The following PDPN variants were observed in gnomAD, a reference collection of about 807,000 sequenced individuals.
PDPN encodes PA2.26 antigen.
PDPN carries 12 observed loss-of-function variants against 23.2 expected under a neutral mutation model. The observed-to-expected ratio is 0.52, with a 90% confidence interval of 0.33 to 0.84. PDPN has a LOEUF of 0.84. PDPN is among the 40% of genes least tolerant of loss of function. PDPN has a pLI of 0.02. For missense variants in PDPN, 199 were observed against 212.2 expected (o/e 0.94, Z 0.39); for synonymous variants, 77 against 76.7 (o/e 1.00, Z -0.02).
At position 13,597,503 on chromosome 1, in the gene PDPN, T is replaced by G. The variant is rs1171047270; in HGVS notation, c.68-9670T>G. ...TTCTCCAGCGTTCAGATTAGGGAGC[T>G]GCAGGTCTGCAGAAATAGGAGTGGA... On this transcript the variant is annotated intron_variant, in intron 1 of 5. Transcript: ENST00000621990. Among the ~76,000 whole-genome samples, 4 of 152,322 alleles carry G rather than the reference T, an allele frequency of 2.6e-5. No individual in the cohort carries two copies. The East Asian group carries it at 7.7e-4, about 29-fold the overall frequency.
Position 13,583,939 on chromosome 1 carries a change from C to G in PDPN, c.-95C>G, listed in dbSNP as rs1342311652. ...CCGGCCCCCCCACCGTCGCGCTCCT[C>G]CAGGCTGGGCCTGTGGCCGCGGTGC... On this transcript the variant is annotated 5_prime_UTR_variant, in exon 1 of 6. Coordinates refer to ENST00000621990, the MANE Select transcript of PDPN (RefSeq NM_006474.5). 5 of 1,613,690 alleles carry G rather than the reference C, an allele frequency of 3.1e-6. No individual in the cohort carries two copies. In the South Asian group the frequency reaches 5.5e-5, roughly 18 times the overall value.
chr1:13,607,237 A>T lies in PDPN; in HGVS notation c.132A>T (p.Pro44=). 1 of 1,614,140 alleles carries T rather than the reference A, an allele frequency of 6.2e-7. No homozygotes were observed. The highest frequency in any genetic ancestry group is 8.5e-7 in the Non-Finnish European group (1 of 1,179,952). ...GTTTGGAAGGCGGCGTTGCCATGCC[A>T]GGTGCCGAAGATGATGTGGTGACTC... ...TTGLEGGVAM[P]GAEDDVVTPG... The change falls in exon 2 of 6, where the codon CCA becomes CCT. Residue 44 remains proline (P), a synonymous_variant. Coordinates refer to ENST00000621990, the MANE Select transcript of PDPN (RefSeq NM_006474.5).
In PDPN at chr1:13,617,164, T is replaced by C. The variant is rs962588557; in HGVS notation, c.*1253T>C. The C allele has an allele frequency of 1.5e-4, 23 of 152,244 alleles. No homozygotes were observed. The highest frequency in any genetic ancestry group is 5.1e-4 in the African/African-American group (21 of 41,516). 9.4% of individuals were successfully genotyped at this position (152,244 alleles called of 1,614,324 possible). On this transcript the variant is annotated 3_prime_UTR_variant, in exon 6 of 6. Coordinates refer to ENST00000621990, the MANE Select transcript of PDPN (RefSeq NM_006474.5). ...CTTCCCATATATCCATTGGATTTTT[T>C]TTTTTTTTTCCTAAACAAAGTTTTT...
At chr1:13,613,520 C>G (rs761728043) in intron 3 of PDPN, among the ~76,000 whole-genome samples, 167 bp from the exon 4 acceptor site, 8 of 152,090 alleles carry the variant, frequency 5.3e-5, no homozygotes, top group Admixed American at 2.6e-4. Context: ...AAGACAGTGC[C>G]ACATCGGGGC....
In PDPN at chr1:13,617,457, T is replaced by C. The variant is rs1002725015; in HGVS notation, c.*1546T>C. 1.3e-5 allele frequency: 2 copies of C among 152,350 alleles called. No individual in the cohort carries two copies. The highest frequency in any genetic ancestry group is 1.9e-4 in the East Asian group (1 of 5,178). The allele number at this position is 152,350 out of a possible 1,614,324, so 9.4% of individuals were successfully genotyped here. ...CTCTGCCTCCCGGCAATTATACATGTGTCAGGATGTCAAAAAGCAATTCTC... is the reference window on the plus strand; with the variant it reads ...CTCTGCCTCCCGGCAATTATACATGCGTCAGGATGTCAAAAAGCAATTCTC... On this transcript the variant is annotated 3_prime_UTR_variant, in exon 6 of 6. Coordinates refer to ENST00000621990, the MANE Select transcript of PDPN (RefSeq NM_006474.5).
chr1:13,614,706 G>T (rs758314086), intron 5 of PDPN, among the ~76,000 whole-genome samples: 1 of 152,188 alleles, frequency 6.6e-6, no homozygotes, highest in Non-Finnish European at 1.5e-5. Context: ...AGGTTCACTT[G>T]TGCCCAGGAA....
chr1:13,585,114 A>G (rs1367545292), intron 1 of PDPN, among the ~76,000 whole-genome samples: 5 of 152,202 alleles, frequency 3.3e-5, no homozygotes. Flanking sequence ...AGGAATTGTA[A>G]CCTAACTCGT....
intron 1 of PDPN, among the ~76,000 whole-genome samples, chr1:13,594,116 CTG>C (rs1021364209): frequency 5.3e-5 from 8 of 152,222 alleles, no homozygotes; most frequent in Non-Finnish European, 5.9e-5. Context: ...ACTCTGAAAA[CTG>C]TGAATGTCAT....
intron 1 of PDPN, among the ~76,000 whole-genome samples, chr1:13,601,234 C>A (rs909682651): frequency 1.3e-5 from 2 of 152,182 alleles, no homozygotes; most frequent in Non-Finnish European, 1.5e-5. Flanking sequence ...GTGAAGAGAG[C>A]ACGGATTTAG....
intron 1 of PDPN, among the ~76,000 whole-genome samples, chr1:13,594,658 A>G (rs1373365901): frequency 6.6e-6 from 1 of 152,156 alleles, no homozygotes; most frequent in African/African-American, 2.4e-5. Context: ...CAGCTAAAAA[A>G]TGAGGATGAT....
chr1:13,584,571 G>T (rs1406564268), intron 1 of PDPN, among the ~76,000 whole-genome samples: 2 of 152,238 alleles, frequency 1.3e-5, no homozygotes, highest in East Asian at 3.9e-4. Context: ...CGGTGGCCCT[G>T]GTCCCCCTTG....
At chr1:13,586,787 G>A (rs925836190) in intron 1 of PDPN, among the ~76,000 whole-genome samples, 2 of 145,366 alleles carry the variant, frequency 1.4e-5, no homozygotes, top group East Asian at 4.0e-4. Flanking sequence ...AAAAAAAGAG[G>A]CTGGGCATGG....
At chr1:13,592,464 G>A (rs1312752544) in intron 1 of PDPN, among the ~76,000 whole-genome samples, 2 of 151,856 alleles carry the variant, frequency 1.3e-5, no homozygotes, top group Non-Finnish European at 2.9e-5. Flanking sequence ...ATTTTTGTGT[G>A]GGCTATGAAG....
At chr1:13,592,543 ATT>A (rs34176163) in intron 1 of PDPN, among the ~76,000 whole-genome samples, 14,298 of 104,764 alleles carry the variant, frequency 0.14, 606 homozygotes, top group Middle Eastern at 0.23. Context: ...TGAAAAGATG[ATT>A]TTTTTTTTTT....
rs1208872562 is a variant in PDPN, at chr1:13,614,547, C to T, written c.482+136C>T. The T allele has an allele frequency of 7.9e-6, 5 of 636,754 alleles. No homozygotes were observed. In the Admixed American group the frequency reaches 1.4e-4, roughly 17 times the overall value. 39.4% of individuals were successfully genotyped at this position (636,754 alleles called of 1,614,324 possible). On this transcript the variant is annotated intron_variant, in intron 5 of 5. Transcript: ENST00000621990. ...TGCCTGTAGTCTCAGCTGCTGGGCACCTGCAGACCAGCCTGGGCAACATAG... is the reference window on the plus strand; with the variant it reads ...TGCCTGTAGTCTCAGCTGCTGGGCATCTGCAGACCAGCCTGGGCAACATAG...
At chr1:13,599,318 T>C (rs1640580288) in intron 1 of PDPN, among the ~76,000 whole-genome samples, 1 of 150,574 alleles carries the variant, frequency 6.6e-6, no homozygotes, top group African/African-American at 2.5e-5. Context: ...GGCCAGAAAG[T>C]TCCCTGAGAT....
intron 1 of PDPN, among the ~76,000 whole-genome samples, chr1:13,605,717 T>C (rs1186295314): frequency 6.6e-6 from 1 of 151,998 alleles, no homozygotes; most frequent in Non-Finnish European, 1.5e-5. Context: ...CCACCTCCCA[T>C]GTTCAAGCGA....
intron 1 of PDPN, among the ~76,000 whole-genome samples, chr1:13,601,960 C>T (rs193225684): frequency 3.3e-5 from 5 of 150,660 alleles, no homozygotes; most frequent in Admixed American, 6.6e-5. Context: ...AGATGTAGGC[C>T]GGGTGCGGTG....
intron 1 of PDPN, among the ~76,000 whole-genome samples, chr1:13,594,159 G>A (rs1640427447): frequency 6.6e-6 from 1 of 152,222 alleles, no homozygotes; most frequent in Non-Finnish European, 1.5e-5. Context: ...CAGAGACTGT[G>A]CTAGTGGCTG....
Sources: allele counts gnomAD v4.1 joint callset (sites outside exome capture counted in the v4.1 genomes callset), GRCh38; gene constraint gnomAD v4.1.1; transcripts MANE v1.5; gene names NCBI Gene and HGNC (gene_info 2026-07-23, HGNC 2026-07-21).